Variants in CLYBL observed in about 807,000 individuals in gnomAD.
CLYBL encodes citramalyl-CoA lyase.
A neutral mutation model predicts 38.9 loss-of-function variants in CLYBL; 31 were observed. That is an observed-to-expected ratio of 0.80 (90% CI 0.60 to 1.08). CLYBL has a LOEUF of 1.08. CLYBL is among the 50% of genes least tolerant of loss of function. CLYBL has a pLI of 0.00. For missense variants in CLYBL, 434 were observed against 411.6 expected (o/e 1.05, Z -0.47); for synonymous variants, 171 against 158.6 (o/e 1.08, Z -0.59).
intron 2 of CLYBL, among the ~76,000 whole-genome samples, chr13:99,852,321 C>T (rs1343540221): frequency 6.6e-6 from 1 of 152,138 alleles, no homozygotes; most frequent in East Asian, 1.9e-4. Context: ...TTACTGTAGC[C>T]TCAAACTCCT....
rs199530926 is a variant in CLYBL, at chr13:99,768,197, T to TC, written c.63-4627_63-4626insC. On this transcript the variant is annotated intron_variant, in intron 1 of 8. Transcript: ENST00000339105. ...TCCTCAAGTCTTTTCTTTTTCTTTT[T>TC]TTTTTTTTTTTTTTTGAGCAGAGTC... 9.7e-3 allele frequency among the ~76,000 whole-genome samples: 1,361 copies of TC among 140,774 alleles called. 12 individuals are homozygous for TC. The highest frequency in any genetic ancestry group is 0.072 in the East Asian group (355 of 4,908). The allele number at this position is 140,774 out of a possible 152,430, so 92.4% of individuals were successfully genotyped here.
chr13:99,905,253 C>CT (rs1199848388), intron 8 of CLYBL, among the ~76,000 whole-genome samples: 8 of 151,522 alleles, frequency 5.3e-5, no homozygotes, highest in South Asian at 2.1e-4. Flanking sequence ...ACCTGTTTTT[C>CT]TTTTTTTTTA....
intron 1 of CLYBL, among the ~76,000 whole-genome samples, chr13:99,692,286 G>GTTTTT (rs71215539): frequency 8.6e-6 from 1 of 115,886 alleles, no homozygotes; most frequent in Non-Finnish European, 1.8e-5. Flanking sequence ...TGTTTTTTTT[G>GTTTTT]TTTTTTTTTT....
intron 1 of CLYBL, among the ~76,000 whole-genome samples, chr13:99,715,016 A>T (rs2048290914): frequency 6.6e-6 from 1 of 152,150 alleles, no homozygotes; most frequent in African/African-American, 2.4e-5. Context: ...TGTGTATGGA[A>T]CTGATGGGCC....
chr13:99,873,159 A>T (rs568426094), intron 7 of CLYBL, among the ~76,000 whole-genome samples: 4 of 152,270 alleles, frequency 2.6e-5, no homozygotes, highest in Non-Finnish European at 1.5e-5. Context: ...GATTCAAGTA[A>T]TGGGGCTTCC....
intron 2 of CLYBL, among the ~76,000 whole-genome samples, chr13:99,781,984 C>T (rs889624108): frequency 2.6e-5 from 4 of 152,176 alleles, no homozygotes; most frequent in Non-Finnish European, 5.9e-5. Context: ...GTTATTTTTG[C>T]TCAATATTTT....
intron 1 of CLYBL, among the ~76,000 whole-genome samples, chr13:99,729,962 G>A (rs1386918279): frequency 6.6e-6 from 1 of 151,894 alleles, no homozygotes; most frequent in Non-Finnish European, 1.5e-5. Flanking sequence ...CATCAGCATT[G>A]CCCATGCCCC....
chr13:99,650,230 T>C (rs892037899), intron 1 of CLYBL, among the ~76,000 whole-genome samples: 4 of 151,716 alleles, frequency 2.6e-5, no homozygotes, highest in African/African-American at 9.7e-5. Flanking sequence ...GCCACTGCAC[T>C]CCAGCCTGGG....
intron 1 of CLYBL, among the ~76,000 whole-genome samples, chr13:99,670,428 T>G (rs1471549332): frequency 2.0e-5 from 3 of 152,174 alleles, no homozygotes; most frequent in Admixed American, 6.5e-5. Flanking sequence ...TACGTGGAAT[T>G]TCCCGTGGCA....
At chr13:99,871,416 AAC>A (rs1207672189) in intron 7 of CLYBL, among the ~76,000 whole-genome samples, 4 of 152,236 alleles carry the variant, frequency 2.6e-5, no homozygotes, top group Admixed American at 6.5e-5. Flanking sequence ...TAATGAAATA[AAC>A]ACAGTTTGAC....
intron 1 of CLYBL, among the ~76,000 whole-genome samples, chr13:99,676,181 C>T (rs1354353751): frequency 8.1e-6 from 1 of 122,846 alleles, no homozygotes; most frequent in East Asian, 2.2e-4. Context: ...TCCTTCCCTC[C>T]GTCCGTCCTT....
intron 1 of CLYBL, among the ~76,000 whole-genome samples, chr13:99,658,974 C>T (rs191054332): frequency 1.4e-3 from 207 of 152,294 alleles, no homozygotes; most frequent in African/African-American, 4.8e-3. Context: ...CGTCTCTTCA[C>T]TTTTTACATA....
intron 1 of CLYBL, among the ~76,000 whole-genome samples, chr13:99,669,187 A>G (rs2047528736): frequency 6.6e-6 from 1 of 151,962 alleles, no homozygotes; most frequent in South Asian, 2.1e-4. Context: ...TATTTTTAGT[A>G]TAGAAGGGAT....
At position 99,797,270 on chromosome 13, in the gene CLYBL, T is replaced by C. The variant is rs562295594; in HGVS notation, c.249+24260T>C. Among the ~76,000 whole-genome samples, 3 of 152,328 alleles carry C rather than the reference T, an allele frequency of 2.0e-5. No individual in the cohort carries two copies. The South Asian group carries it at 6.2e-4, about 32-fold the overall frequency. ...CTAAATACATGTATGACTGAATTTT[T>C]GTTATATGTTAGATTTGGGATCTTA... is the stretch of plus-strand genomic sequence containing the variant. On this transcript the variant is annotated intron_variant, in intron 2 of 8. Transcript: ENST00000339105.
intron 1 of CLYBL, among the ~76,000 whole-genome samples, chr13:99,698,073 C>G (rs2048007047): frequency 6.6e-6 from 1 of 152,192 alleles, no homozygotes; most frequent in African/African-American, 2.4e-5. Flanking sequence ...TGGCCTAATA[C>G]TAAATTTCAG....
chr13:99,845,324 A>G (rs554325178), intron 2 of CLYBL, among the ~76,000 whole-genome samples: 14 of 152,334 alleles, frequency 9.2e-5, no homozygotes, highest in African/African-American at 3.1e-4. Context: ...CAGAAGCCAA[A>G]ACATGGCAGT....
intron 2 of CLYBL, among the ~76,000 whole-genome samples, chr13:99,812,672 C>T (rs143071853): frequency 2.6e-5 from 4 of 152,310 alleles, no homozygotes; most frequent in African/African-American, 9.6e-5. Context: ...CTCTTTTCCA[C>T]ATGAAGTGGG....
At chr13:99,631,183 A>G (rs548578877) in intron 1 of CLYBL, among the ~76,000 whole-genome samples, 1 of 152,172 alleles carries the variant, frequency 6.6e-6, no homozygotes, top group East Asian at 1.9e-4. Flanking sequence ...TTAGCCACGC[A>G]TGGTGGCGCA....
intron 1 of CLYBL, among the ~76,000 whole-genome samples, chr13:99,667,439 T>C: frequency 1.5e-5 from 1 of 64,656 alleles, no homozygotes. Context: ...CTTGCTTTTT[T>C]TTTTTTTTTT....
Sources: allele counts gnomAD v4.1 joint callset (sites outside exome capture counted in the v4.1 genomes callset), GRCh38; gene constraint gnomAD v4.1.1; transcripts MANE v1.5; gene names NCBI Gene and HGNC (gene_info 2026-07-23, HGNC 2026-07-21).